Variants in PCDHGA9 observed in about 807,000 individuals in gnomAD.
PCDHGA9 encodes the protein protocadherin gamma-A9.
Under a neutral mutation model 62.5 loss-of-function variants are expected in PCDHGA9, and 37 were observed. The observed-to-expected ratio is 0.59, with a 90% CI of 0.46 to 0.78. The LOEUF (loss-of-function observed/expected upper bound fraction) is 0.78, where lower values mean the gene tolerates loss of function less well. Ranked by LOEUF, PCDHGA9 falls within the 30% of genes least tolerant of loss-of-function variation. The pLI, the probability that PCDHGA9 is intolerant of heterozygous loss-of-function variation, is 0.00. For synonymous variants in PCDHGA9, 459 were observed against 484.6 expected, an observed-to-expected ratio of 0.95 and a Z score of 0.69; for missense variants, 1,138 against 1,166.2, an observed-to-expected ratio of 0.98 and a Z score of 0.35.
At chr5:141,414,274 G>A (rs762803658) in intron 1 of PCDHGA9, 23 of 1,613,368 alleles carry the variant, frequency 1.4e-5, no homozygotes, top group Non-Finnish European at 1.9e-5. Flanking sequence ...TTCACCTCTG[G>A]GAACAGTCGT....
chr5:141,465,950 A>G (rs570810183), intron 1 of PCDHGA9, among the ~76,000 whole-genome samples: 2 of 152,102 alleles, frequency 1.3e-5, no homozygotes, highest in African/African-American at 4.8e-5. Flanking sequence ...GTGAAACCCC[A>G]TCTCTACTAA....
At chr5:141,411,578 T>C (rs892738350) in intron 1 of PCDHGA9, 10 of 152,194 alleles carry the variant, frequency 6.6e-5, no homozygotes, top group African/African-American at 2.4e-4. Flanking sequence ...AGTGCGACCC[T>C]GTCTCTAAAA....
chr5:141,510,840 A>C (rs2099882997), intron 3 of PCDHGA9, 107 bp from the exon 4 acceptor site: 1 of 1,588,450 alleles, frequency 6.3e-7, no homozygotes, highest in Non-Finnish European at 8.6e-7. Context: ...CAGCGTGGTC[A>C]AGGCCCAGGG....
chr5:141,467,055 CTTTT>C (rs1193465269), intron 1 of PCDHGA9, among the ~76,000 whole-genome samples: 5 of 134,484 alleles, frequency 3.7e-5, no homozygotes, highest in Non-Finnish European at 4.9e-5. Context: ...TCAATGTTTT[CTTTT>C]TTTTTTTTTT....
chr5:141,437,638 A>G (rs192433359), intron 1 of PCDHGA9, among the ~76,000 whole-genome samples: 1 of 152,250 alleles, frequency 6.6e-6, no homozygotes, highest in Admixed American at 6.5e-5. Context: ...TGTCAGGTTC[A>G]GAAAAGCAAA....
At position 141,418,260 on chromosome 5, in the gene PCDHGA9, G is replaced by C. The variant is rs144490159; in HGVS notation, c.2424+12884G>C. On this transcript the variant is annotated intron_variant, in intron 1 of 3. Transcript: ENST00000573521. Reference sequence around the variant, plus strand: ...GTTAATGACCACGCCCCTCAATTCCGGAAAGATGAAATAAACTTAGAAATC... The same window carrying C: ...GTTAATGACCACGCCCCTCAATTCCCGAAAGATGAAATAAACTTAGAAATC... 2.5e-6 allele frequency: 4 copies of C among 1,613,888 alleles called. No individual in the cohort carries two copies. Among genetic ancestry groups the C allele is most frequent in the South Asian group, 1.1e-5 (1 of 91,088 alleles).
rs1232523303 is a variant in PCDHGA9, at chr5:141,402,915, C to G, written c.-38C>G. 2 of 1,564,688 alleles carry G rather than the reference C, an allele frequency of 1.3e-6. No individual in the cohort carries two copies. The highest frequency in any genetic ancestry group is 1.9e-5 in the Admixed American group (1 of 52,482). ...AAAGAACCTGATGAAGCAGCGCGCACAGAGATCCTTTTGAGAAAATTCCAA... is the reference window on the plus strand; with the variant it reads ...AAAGAACCTGATGAAGCAGCGCGCAGAGAGATCCTTTTGAGAAAATTCCAA... On this transcript the variant is annotated 5_prime_UTR_variant, in exon 1 of 4. Transcript: ENST00000573521.
At chr5:141,437,187 G>A (rs1055878763) in intron 1 of PCDHGA9, among the ~76,000 whole-genome samples, 1 of 152,148 alleles carries the variant, frequency 6.6e-6, no homozygotes, top group Non-Finnish European at 1.5e-5. Context: ...ACTGGGCAAT[G>A]GGTTTGGATG....
At chr5:141,473,131 A>G (rs1262205483) in intron 1 of PCDHGA9, among the ~76,000 whole-genome samples, 2 of 152,214 alleles carry the variant, frequency 1.3e-5, no homozygotes, top group Admixed American at 6.5e-5. Context: ...TTGGCAAACT[A>G]TATTATCTCT....
At position 141,410,315 on chromosome 5, in the gene PCDHGA9, C is replaced by G. The variant is rs781293010; in HGVS notation, c.2424+4939C>G. 3 of 1,614,040 alleles carry G rather than the reference C, an allele frequency of 1.9e-6. No homozygotes were observed. In the East Asian group the frequency reaches 6.7e-5, roughly 36 times the overall value. On this transcript the variant is annotated intron_variant, in intron 1 of 3. Coordinates refer to ENST00000573521, the MANE Select transcript of PCDHGA9 (RefSeq NM_018921.3). ...GGCCTTAATCTCAGTGCTCTTCCTCCTCGCCGTGATTCTGGCCATTGCCTT... is the reference window on the plus strand; with the variant it reads ...GGCCTTAATCTCAGTGCTCTTCCTCGTCGCCGTGATTCTGGCCATTGCCTT...
Position 141,431,897 on chromosome 5 carries a change from G to A in PCDHGA9, c.2424+26521G>A. On this transcript the variant is annotated intron_variant, in intron 1 of 3. Transcript: ENST00000573521. This position sits in a 1 kb window ranked among gnomAD's most constrained non-coding sequence, Gnocchi z 4.8. ...AAATGACCAAGATTCTGAGGAAAAC[G>A]GACAGGTGATCTGTTTCATCCAAGG... is the stretch of plus-strand genomic sequence containing the variant. 6 of 1,613,830 alleles carry A rather than the reference G, an allele frequency of 3.7e-6. No individual in the cohort carries two copies. The highest frequency in any genetic ancestry group is 5.1e-6 in the Non-Finnish European group (6 of 1,179,704).
At chr5:141,440,165 A>G (rs935524872) in intron 1 of PCDHGA9, 2 of 152,300 alleles carry the variant, frequency 1.3e-5, no homozygotes, top group African/African-American at 4.8e-5. Flanking sequence ...AGCTTGGGCC[A>G]TAACGCTTTG....
In PCDHGA9 at chr5:141,405,631, C is replaced by T. The variant is rs150331884; in HGVS notation, c.2424+255C>T. The T allele has an allele frequency of 4.9e-3, 2,596 of 530,826 alleles. 48 individuals carry two copies. The highest frequency in any genetic ancestry group is 0.045 in the African/African-American group (2,348 of 52,012). The allele number at this position is 530,826 out of a possible 1,614,324, so 32.9% of individuals were successfully genotyped here. ...CTGGGACTACAGGCACGTGCCACCA[C>T]GCCCGGCTAATTTTTTGTGTGTTTT... is the stretch of plus-strand genomic sequence containing the variant. On this transcript the variant is annotated intron_variant, in intron 1 of 3. Transcript: ENST00000573521.
At chr5:141,472,668 C>T (rs2099292239) in intron 1 of PCDHGA9, among the ~76,000 whole-genome samples, 1 of 151,742 alleles carries the variant, frequency 6.6e-6, no homozygotes, top group African/African-American at 2.4e-5. Context: ...ATCCTGTATA[C>T]TGGTCCTTCC....
rs372096658 is a variant in PCDHGA9, at chr5:141,405,073, C to T, written c.2121C>T (p.Phe707=). Residue 707 remains phenylalanine (F), a synonymous_variant, in exon 1 of 4, where the codon TTC becomes TTT. Coordinates refer to ENST00000573521, the MANE Select transcript of PCDHGA9 (RefSeq NM_018921.3). The stretch of plus-strand genomic sequence containing the variant: ...TCGTCTCCTGTGTCTTCCTCACCTT[C>T]GTTATCACGCTGCTGGCCCTCAGGC... The part of the protein sequence containing the change: ...VAVVSCVFLT[F]VITLLALRLR... The T allele has an allele frequency of 1.1e-5, 17 of 1,613,880 alleles. No individual in the cohort carries two copies. In the East Asian group the frequency reaches 1.3e-4, roughly 13 times the overall value.
chr5:141,472,980 C>CAAAAAAAAA (rs60579131), intron 1 of PCDHGA9, among the ~76,000 whole-genome samples: 30 of 86,054 alleles, frequency 3.5e-4, no homozygotes, highest in African/African-American at 5.0e-4. Context: ...GAGTGAAACT[C>CAAAAAAAAA]AAAAAAAAAA....
At chr5:141,462,335 A>G in intron 1 of PCDHGA9, among the ~76,000 whole-genome samples, 1 of 152,220 alleles carries the variant, frequency 6.6e-6, no homozygotes, top group East Asian at 1.9e-4. Context: ...ATTTAATTGT[A>G]TTGTGATCCA....
At chr5:141,436,950 C>A (rs894702404) in intron 1 of PCDHGA9, among the ~76,000 whole-genome samples, 3 of 152,138 alleles carry the variant, frequency 2.0e-5, no homozygotes, top group African/African-American at 7.2e-5. Flanking sequence ...ATAGTGAAAT[C>A]TAAACAAGGA....
chr5:141,409,809 A>T (rs754765049), intron 1 of PCDHGA9: 62 of 1,611,424 alleles, frequency 3.8e-5, no homozygotes, highest in Non-Finnish European at 7.6e-6. Context: ...CAGGCCCGCG[A>T]CCACGGCTCG....
Sources: gnomAD v4.1 joint callset for allele counts (sites outside exome capture counted in the v4.1 genomes callset) on GRCh38, gnomAD v4.1.1 for gene constraint, Gnocchi (gnomAD v3.1) non-coding constraint, MANE v1.5 for transcripts, NCBI Gene and HGNC (gene_info 2026-07-23, HGNC 2026-07-21) for gene names.